CSMD3: variants seen among roughly 807,000 people sequenced by gnomAD.
CSMD3 encodes CUB and sushi domain-containing protein 3.
Under a neutral mutation model 435.2 loss-of-function variants are expected in CSMD3, and 177 were observed. The observed-to-expected ratio is 0.41, with a 90% confidence interval of 0.36 to 0.46. CSMD3 has a LOEUF of 0.46. Among genes scored for constraint, CSMD3 ranks in the 20% least tolerant of loss-of-function variants. The pLI is 0.34. For missense variants in CSMD3, 4,265 were observed against 4,504.6 expected (o/e 0.95, Z 1.52); for synonymous variants, 1,656 against 1,520.5 (o/e 1.09, Z -2.07).
intron 32 of CSMD3, 83 bp from the exon 33 acceptor site, chr8:112,409,115 GGAGA>G: frequency 1.3e-6 from 2 of 1,597,762 alleles, no homozygotes; most frequent in Non-Finnish European, 1.7e-6. Flanking sequence ...AGAAAGAGGA[GGAGA>G]GAGAGAACAA....
At chr8:113,061,933 T>C (rs1290516274) in intron 5 of CSMD3, among the ~76,000 whole-genome samples, 1 of 151,832 alleles carries the variant, frequency 6.6e-6, no homozygotes, top group Non-Finnish European at 1.5e-5. Context: ...GTCTTCTTTG[T>C]ACATAATTCA....
At chr8:113,346,096 A>G (rs1436501793) in intron 1 of CSMD3, among the ~76,000 whole-genome samples, 7 of 152,060 alleles carry the variant, frequency 4.6e-5, no homozygotes, top group Non-Finnish European at 8.8e-5. Flanking sequence ...GTCATTTACC[A>G]TTTAATTTAT....
chr8:113,015,192 T>G (rs1220210865), intron 6 of CSMD3, among the ~76,000 whole-genome samples: 1 of 152,064 alleles, frequency 6.6e-6, no homozygotes, highest in Non-Finnish European at 1.5e-5. Flanking sequence ...TCTGTGTAAT[T>G]AAGGTATATG....
chr8:112,573,968 A>C (rs370751610), intron 23 of CSMD3, among the ~76,000 whole-genome samples: 5 of 152,040 alleles, frequency 3.3e-5, no homozygotes, highest in African/African-American at 9.6e-5. Flanking sequence ...ACCTACCTAA[A>C]GATTGGTTTC....
At chr8:112,534,013 C>G (rs928491025) in intron 27 of CSMD3, among the ~76,000 whole-genome samples, 1 of 151,804 alleles carries the variant, frequency 6.6e-6, no homozygotes, top group Non-Finnish European at 1.5e-5. Context: ...CCTGAACAAC[C>G]AATGGGTCAG....
intron 37 of CSMD3, among the ~76,000 whole-genome samples, chr8:112,381,455 G>A (rs982146398): frequency 2.6e-5 from 4 of 152,150 alleles, no homozygotes; most frequent in African/African-American, 9.7e-5. Flanking sequence ...CAAATGGCAA[G>A]CATGAAAATA....
At chr8:112,969,787 G>GA (rs1441547704) in intron 7 of CSMD3, among the ~76,000 whole-genome samples, 3 of 151,970 alleles carry the variant, frequency 2.0e-5, no homozygotes, top group East Asian at 3.9e-4. Context: ...TCCACATATT[G>GA]AAAAAATTTC....
At chr8:112,615,100 T>C (rs1338127241) in intron 22 of CSMD3, among the ~76,000 whole-genome samples, 1 of 152,110 alleles carries the variant, frequency 6.6e-6, no homozygotes, top group African/African-American at 2.4e-5. Flanking sequence ...TTGAAAAGAA[T>C]ATAGAACCAA....
intron 35 of CSMD3, among the ~76,000 whole-genome samples, chr8:112,394,973 C>T (rs1466040038): frequency 1.3e-5 from 2 of 152,108 alleles, no homozygotes; most frequent in Non-Finnish European, 2.9e-5. Context: ...TTCAAATTAC[C>T]TCTTTATCAT....
intron 4 of CSMD3, among the ~76,000 whole-genome samples, chr8:113,167,753 C>T (rs2092181942): frequency 6.6e-6 from 1 of 152,094 alleles, no homozygotes; most frequent in Admixed American, 6.6e-5. Context: ...ATTCCATTAC[C>T]AAACAATTCA....
At chr8:113,013,018 G>GA (rs1437360220) in intron 6 of CSMD3, among the ~76,000 whole-genome samples, 5 of 152,046 alleles carry the variant, frequency 3.3e-5, no homozygotes, top group Non-Finnish European at 5.9e-5. Flanking sequence ...AACAAAGATA[G>GA]AAAAAATATA....
At chr8:113,348,811 G>A (rs2094170004) in intron 1 of CSMD3, among the ~76,000 whole-genome samples, 1 of 151,932 alleles carries the variant, frequency 6.6e-6, no homozygotes, top group African/African-American at 2.4e-5. Context: ...AGGCTTACGT[G>A]TATCATACAG....
At chr8:112,993,455 T>G (rs940792970) in intron 6 of CSMD3, among the ~76,000 whole-genome samples, 2 of 151,830 alleles carry the variant, frequency 1.3e-5, no homozygotes. Flanking sequence ...GGATTCTTTA[T>G]TGAATTAAGA....
In CSMD3 at chr8:112,244,499, T is replaced by A. The variant is rs2130112416; in HGVS notation, c.10297A>T (p.Thr3433Ser). 1 of 1,613,900 alleles carries A rather than the reference T, an allele frequency of 6.2e-7. No individual in the cohort carries two copies. Among genetic ancestry groups the A allele is most frequent in the East Asian group, 2.2e-5 (1 of 44,872 alleles). The part of the protein sequence containing the change: ...VGMDLPSHGY[T>S]LIYTCQPGFF... Reference sequence around the variant, plus strand: ...CCAGGCTGACAGGTATAAATCAGTGTATACCCATGAGATGGAAGGTCCATC... The same window carrying A: ...CCAGGCTGACAGGTATAAATCAGTGAATACCCATGAGATGGAAGGTCCATC... The change falls in exon 65 of 71, where the codon ACA becomes TCA. Residue 3433 changes from threonine to serine, a missense_variant. Transcript: ENST00000297405.
intron 64 of CSMD3, among the ~76,000 whole-genome samples, chr8:112,246,535 C>G (rs1472127437): frequency 2.0e-5 from 3 of 152,176 alleles, no homozygotes; most frequent in East Asian, 1.9e-4. Context: ...CACTGAGGAT[C>G]AGAGAACATA....
At chr8:113,349,728 T>C (rs2094176760) in intron 1 of CSMD3, among the ~76,000 whole-genome samples, 1 of 152,134 alleles carries the variant, frequency 6.6e-6, no homozygotes, top group Non-Finnish European at 1.5e-5. Flanking sequence ...TAAATTGATA[T>C]TATATAAGAA....
intron 5 of CSMD3, among the ~76,000 whole-genome samples, chr8:113,077,504 C>T (rs2089392586): frequency 6.6e-6 from 1 of 152,016 alleles, no homozygotes; most frequent in Admixed American, 6.6e-5. Context: ...GAGTTCCAGA[C>T]AAGCCTGATC....
intron 1 of CSMD3, among the ~76,000 whole-genome samples, chr8:113,430,705 A>C (rs2094667044): frequency 6.6e-6 from 1 of 152,226 alleles, no homozygotes; most frequent in Non-Finnish European, 1.5e-5. Flanking sequence ...CAAACATTTA[A>C]GGGCCTGAAC....
chr8:112,464,357 G>A (rs1563064), intron 32 of CSMD3, among the ~76,000 whole-genome samples: 47,251 of 151,904 alleles, frequency 0.31, 7,541 homozygotes, highest in East Asian at 0.5. Context: ...TGGAACAACT[G>A]ATGAGTTGAT....
Sources: gnomAD v4.1 joint callset for allele counts (sites outside exome capture counted in the v4.1 genomes callset) on GRCh38, gnomAD v4.1.1 for gene constraint, MANE v1.5 for transcripts, NCBI Gene and HGNC (gene_info 2026-07-23, HGNC 2026-07-21) for gene names.